Variants in ZFAT observed in about 807,000 individuals in gnomAD.
The protein encoded by ZFAT is zinc finger protein ZFAT.
In ZFAT, 64 loss-of-function variants were observed where a neutral mutation model predicts 117.7. The ratio of observed to expected loss-of-function variants is 0.54; its 90% CI spans 0.44 to 0.67. The LOEUF (loss-of-function observed/expected upper bound fraction) is 0.67. Among genes scored for constraint, ZFAT ranks in the 30% least tolerant of loss-of-function variants. The pLI is 0.00. For missense variants in ZFAT, 1,433 were observed against 1,584.5 expected, an observed-to-expected ratio of 0.90 and a Z score of 1.62; for synonymous variants, 679 against 615.0, an observed-to-expected ratio of 1.10 and a Z score of -1.54.
At chr8:134,608,962 G>A in intron 4 of ZFAT, 83 bp from the exon 5 acceptor site, 2 of 1,481,740 alleles carry the variant, frequency 1.3e-6, no homozygotes, top group Non-Finnish European at 1.8e-6. Context: ...GGATGGTGCT[G>A]GGAAGTCTAT....
rs535836473 is a variant in ZFAT at position 134,518,099 on chromosome 8, C to T, written c.3234+2784G>A. ...GCCTACTAACTTTAGCACTCATTAACGGATCTCATCTGCTATGATTGTTCC... is the reference window on the plus strand; with the variant it reads ...GCCTACTAACTTTAGCACTCATTAATGGATCTCATCTGCTATGATTGTTCC... On this transcript the variant is annotated intron_variant, in intron 13 of 15. Transcript: ENST00000377838. Among the ~76,000 whole-genome samples the T allele has an allele frequency of 3.3e-5, 5 of 152,330 alleles. No individual in the cohort carries two copies. The South Asian group carries it at 8.3e-4, about 25-fold the overall frequency.
chr8:134,788,059 A>G, the ZFAT span, among the ~76,000 whole-genome samples: 1 of 152,114 alleles, frequency 6.6e-6, no homozygotes, highest in East Asian at 1.9e-4. Flanking sequence ...GCCTTACGTT[A>G]TTGGCTAATA....
At chr8:134,798,657 A>C in the ZFAT span, among the ~76,000 whole-genome samples, 5 of 152,170 alleles carry the variant, frequency 3.3e-5, no homozygotes, top group African/African-American at 1.2e-4. Context: ...GATAGCCCAC[A>C]TGATCAAAGA....
At chr8:134,781,047 G>A in the ZFAT span, among the ~76,000 whole-genome samples, 1 of 152,098 alleles carries the variant, frequency 6.6e-6, no homozygotes, top group Middle Eastern at 3.4e-3. Context: ...TTTGGATGTT[G>A]TTTCATTTTA....
chr8:134,532,810 C>T (rs138367591), intron 12 of ZFAT, 24 bp downstream of exon 12: 2 of 1,607,164 alleles, frequency 1.2e-6, no homozygotes, highest in South Asian at 1.1e-5. Flanking sequence ...GGGCAGGGCC[C>T]CAGCTCGCTG....
chr8:134,821,031 T>C, the ZFAT span, among the ~76,000 whole-genome samples: 21 of 152,210 alleles, frequency 1.4e-4, 1 homozygote, highest in Non-Finnish European at 5.9e-5. Flanking sequence ...AAGTTCTACA[T>C]GTGCCAATTC....
intron 11 of ZFAT, among the ~76,000 whole-genome samples, chr8:134,542,065 C>T (rs1375366293): frequency 1.3e-5 from 2 of 152,248 alleles, no homozygotes; most frequent in Non-Finnish European, 2.9e-5. Context: ...CTGATCCAGA[C>T]TTGCCCACTT....
At chr8:134,672,688 A>T (rs1322745065) in intron 1 of ZFAT, among the ~76,000 whole-genome samples, 1 of 152,258 alleles carries the variant, frequency 6.6e-6, no homozygotes, top group East Asian at 1.9e-4. Context: ...CAGATTTATC[A>T]TCATATACAA....
At chr8:134,479,110 C>T (rs894621812) in intron 15 of ZFAT, among the ~76,000 whole-genome samples, 2 of 152,118 alleles carry the variant, frequency 1.3e-5, no homozygotes, top group African/African-American at 2.4e-5. Context: ...GGCGGTGCTC[C>T]TGGAAATTTA....
the ZFAT span, among the ~76,000 whole-genome samples, chr8:134,818,654 T>C: frequency 4.6e-5 from 7 of 152,320 alleles, no homozygotes; most frequent in East Asian, 5.8e-4. Flanking sequence ...TACATATTCA[T>C]AGAAGCTTTA....
chr8:134,661,108 A>G (rs1172874516), intron 1 of ZFAT, among the ~76,000 whole-genome samples: 2 of 152,248 alleles, frequency 1.3e-5, no homozygotes, highest in African/African-American at 4.8e-5. Context: ...ACCGATCTGG[A>G]CAGGCTGCCA....
intron 7 of ZFAT, among the ~76,000 whole-genome samples, chr8:134,595,327 G>A (rs545144306): frequency 2.6e-5 from 4 of 151,942 alleles, no homozygotes; most frequent in East Asian, 1.9e-4. Context: ...CTGATTTCAC[G>A]ACCTTCTAAT....
intron 3 of ZFAT, 80 bp downstream of exon 3, chr8:134,637,381 A>G: frequency 6.6e-7 from 1 of 1,525,756 alleles, no homozygotes; most frequent in Non-Finnish European, 8.9e-7. Context: ...CCAAGTAAAA[A>G]CTGACCCAGT....
chr8:134,755,865 G>C, the ZFAT span, among the ~76,000 whole-genome samples: 2,719 of 150,076 alleles, frequency 0.018, 93 homozygotes, highest in African/African-American at 0.063. Flanking sequence ...ATAAAAGATA[G>C]TTGGATTTCC....
intron 7 of ZFAT, 136 bp downstream of exon 7, chr8:134,600,300 A>C: frequency 4.9e-6 from 4 of 809,938 alleles, no homozygotes; most frequent in African/African-American, 1.7e-5. Context: ...TGCCACGTGC[A>C]CAGCTGTGTA....
chr8:134,670,440 T>G (rs915369484), intron 1 of ZFAT, among the ~76,000 whole-genome samples: 35 of 152,374 alleles, frequency 2.3e-4, no homozygotes, highest in African/African-American at 8.2e-4. Context: ...AACTCAGGAT[T>G]AAGAAACTCA....
At chr8:134,628,770 G>T (rs1442391730) in intron 3 of ZFAT, among the ~76,000 whole-genome samples, 1 of 152,188 alleles carries the variant, frequency 6.6e-6, no homozygotes. Flanking sequence ...TGGATAGGAT[G>T]CTTGCCCCAG....
the ZFAT span, among the ~76,000 whole-genome samples, chr8:134,819,720 G>C: frequency 6.6e-6 from 1 of 151,992 alleles, no homozygotes; most frequent in Non-Finnish European, 1.5e-5. Flanking sequence ...CCTTCCAGGG[G>C]AGTTTTTGAT....
chr8:134,667,856 A>C (rs1832315955), intron 1 of ZFAT, among the ~76,000 whole-genome samples: 1 of 152,180 alleles, frequency 6.6e-6, no homozygotes, highest in Non-Finnish European at 1.5e-5. Context: ...TCACTTTCCT[A>C]GCCAAGGGAA....
Sources: gnomAD v4.1 joint callset for allele counts (sites outside exome capture counted in the v4.1 genomes callset) on GRCh38, gnomAD v4.1.1 for gene constraint, MANE v1.5 for transcripts, NCBI Gene and HGNC (gene_info 2026-07-23, HGNC 2026-07-21) for gene names.